MYH14: variants seen among roughly 807,000 people sequenced by gnomAD.
The protein encoded by MYH14 is myosin-14.
Under a neutral mutation model 255.5 loss-of-function variants are expected in MYH14, and 123 were observed. The observed-to-expected ratio is 0.48, with a 90% confidence interval of 0.42 to 0.56. MYH14 has a LOEUF of 0.56. MYH14 is among the 20% of genes least tolerant of loss of function. The pLI is 0.00. For synonymous variants in MYH14, 1,095 were observed against 1,161.2 expected (o/e 0.94, Z 1.16); for missense variants, 2,423 against 2,802.3 (o/e 0.86, Z 3.06).
chr19:50,276,294 CT>C lies in MYH14; in HGVS notation c.3680+93del. On this transcript the variant is annotated intron_variant, in intron 28 of 42. Transcript: ENST00000642316. The surrounding 1 kb of genome is among the most constrained non-coding windows in gnomAD (Gnocchi z 4.3). ...TACAAAGTCTCTGTCTATACAGAGG[CT>C]TACTTATTGTACAGTTGTTCATGAA... The C allele has an allele frequency of 9.6e-7, 1 of 1,041,116 alleles. No individual in the cohort carries two copies. Among genetic ancestry groups the C allele is most frequent in the Non-Finnish European group, 1.4e-6 (1 of 737,516 alleles). 64.5% of individuals were successfully genotyped at this position (1,041,116 alleles called of 1,614,324 possible). A position where few individuals can be genotyped will look rare whatever the true frequency, so the allele number is the denominator to read the frequency against.
chr19:50,234,527 G>T (rs540443070), intron 10 of MYH14, among the ~76,000 whole-genome samples: 1 of 152,150 alleles, frequency 6.6e-6, no homozygotes, highest in Non-Finnish European at 1.5e-5. Flanking sequence ...GCAAACAGCC[G>T]GGCCTCTTGT....
rs1050038749 is a variant in MYH14, at chr19:50,252,276, G to A, written c.1831-363G>A. On this transcript the variant is annotated intron_variant, in intron 15 of 42. Transcript: ENST00000642316. This position sits in a 1 kb window ranked among gnomAD's most constrained non-coding sequence, Gnocchi z 4.2. ...TGAGTACCCAGAAGGAGCCAGTGGTGTGAAACCCACAGAGACAGAACCCCA... is the reference window on the plus strand; with the variant it reads ...TGAGTACCCAGAAGGAGCCAGTGGTATGAAACCCACAGAGACAGAACCCCA... Among the ~76,000 whole-genome samples, 10 of 152,214 alleles carry A rather than the reference G, an allele frequency of 6.6e-5. No individual in the cohort carries two copies. The highest frequency in any genetic ancestry group is 2.4e-4 in the African/African-American group (10 of 41,456).
intron 25 of MYH14, 111 bp from the exon 26 acceptor site, chr19:50,271,738 T>C: frequency 6.6e-7 from 1 of 1,516,002 alleles, no homozygotes; most frequent in South Asian, 1.3e-5. Flanking sequence ...CAGAGAAGGG[T>C]GAAAAGGAGC....
At chr19:50,251,555 CACACACACACACACAT>C (rs1488097268) in intron 15 of MYH14, among the ~76,000 whole-genome samples, 29 of 123,048 alleles carry the variant, frequency 2.4e-4, no homozygotes, top group Middle Eastern at 3.8e-3. Context: ...CACACACACA[CACACACACACACACAT>C]ATATATATGT....
intron 3 of MYH14, 47 bp from the exon 4 acceptor site, chr19:50,223,034 TGC>T: frequency 6.3e-7 from 1 of 1,583,562 alleles, no homozygotes; most frequent in Non-Finnish European, 8.7e-7. Context: ...CAGAGGGCCC[TGC>T]TAGAGACTCT....
Position 50,210,677 on chromosome 19 carries a change from C to T in MYH14, c.312C>T (p.Phe104=), listed in dbSNP as rs1409349343. Residue 104 remains phenylalanine, a synonymous_variant, in exon 2 of 43, where the codon TTC becomes TTT. Coordinates refer to ENST00000642316, the MANE Select transcript of MYH14 (RefSeq NM_001145809.2). ...TCCAGCGCATGAACCCGCCCAAGTT[C>T]AGCAAGGCCGAGGACATGGCCGAGC... ...DQIQRMNPPK[F]SKAEDMAELT... is the part of the protein sequence containing the mutation. The T allele has an allele frequency of 6.4e-7, 1 of 1,570,922 alleles. No individual in the cohort carries two copies. Among genetic ancestry groups the T allele is most frequent in the Non-Finnish European group, 8.6e-7 (1 of 1,159,962 alleles).
chr19:50,286,515 G>T lies in MYH14; in HGVS notation c.4573G>T (p.Ala1525Ser), dbSNP rs779375890. 2 of 1,613,594 alleles carry T rather than the reference G, an allele frequency of 1.2e-6. No individual in the cohort carries two copies. Among genetic ancestry groups the T allele is most frequent in the East Asian group, 2.2e-5 (1 of 44,876 alleles). ...LAEEKAAVLRAVEERERAEAE... is the reference protein window; with the variant it reads ...LAEEKAAVLRSVEERERAEAE... The stretch of plus-strand genomic sequence containing the variant: ...AGAGGAGAAGGCAGCTGTACTTCGG[G>T]CAGTGGAGGAACGTGAGCGGGCCGA... Residue 1525 changes from alanine (A) to serine (S), a missense_variant, in exon 34 of 43, where the codon GCA (alanine) becomes TCA (serine). Physicochemically the swap from Ala to Ser is moderately conservative, Grantham distance 99. Coordinates refer to ENST00000642316, the MANE Select transcript of MYH14 (RefSeq NM_001145809.2).
chr19:50,291,953 C>A (rs2036089402), intron 36 of MYH14, among the ~76,000 whole-genome samples: 1 of 152,182 alleles, frequency 6.6e-6, no homozygotes, highest in African/African-American at 2.4e-5. Context: ...AGTCACCCAG[C>A]AAGGATATGG....
intron 10 of MYH14, among the ~76,000 whole-genome samples, chr19:50,239,168 C>T (rs1420747624): frequency 6.6e-6 from 1 of 152,008 alleles, no homozygotes; most frequent in Non-Finnish European, 1.5e-5. Flanking sequence ...TACAGGCATG[C>T]GCCGCCACAC....
chr19:50,238,718 C>T (rs583117), intron 10 of MYH14, among the ~76,000 whole-genome samples: 146,626 of 152,182 alleles, frequency 0.96, 70,688 homozygotes, highest in African/African-American at 0.99. Context: ...TCCCAAAGTG[C>T]TGGGATTACA....
Position 50,280,113 on chromosome 19 carries a change from G to T in MYH14, c.4109G>T (p.Ser1370Ile). 1 of 1,608,104 alleles carries T rather than the reference G, an allele frequency of 6.2e-7. No homozygotes were observed. The highest frequency in any genetic ancestry group is 8.5e-7 in the Non-Finnish European group (1 of 1,177,424). Residue 1370 changes from serine (S) to isoleucine (I), a missense_variant, in exon 31 of 43, where the codon AGC (serine) becomes ATC (isoleucine). Ser to Ile is a moderately radical substitution (Grantham distance 142). Around this residue, in one of 3 missense-constraint regions of MYH14, gnomAD observed 1,513 missense variants for 1,674.8 expected, o/e 0.90. Coordinates refer to ENST00000642316, the MANE Select transcript of MYH14 (RefSeq NM_001145809.2). This position sits in a 1 kb window ranked among gnomAD's most constrained non-coding sequence, Gnocchi z 4.8. ...KTIRLSKELS[S>I]TEAQLHDAQE... ...ATCCGTCTTAGCAAGGAGCTGAGCAGCACAGAAGCCCAGCTGCACGATGCC... is the reference window on the plus strand; with the variant it reads ...ATCCGTCTTAGCAAGGAGCTGAGCATCACAGAAGCCCAGCTGCACGATGCC...
At chr19:50,251,458 T>C (rs191641085) in intron 15 of MYH14, among the ~76,000 whole-genome samples, 11 of 138,826 alleles carry the variant, frequency 7.9e-5, no homozygotes, top group Admixed American at 7.9e-4. Flanking sequence ...GTTCTATTCC[T>C]ATATATATAT....
intron 26 of MYH14, 84 bp downstream of exon 26, chr19:50,272,056 T>G (rs2123391542): frequency 1.3e-6 from 2 of 1,530,282 alleles, no homozygotes; most frequent in Non-Finnish European, 1.8e-6. Context: ...AGGGCCTCAG[T>G]GGCTGTGTCT....
In MYH14 at chr19:50,271,898, C is replaced by A. The variant is rs768039865; in HGVS notation, c.3221C>A (p.Ala1074Asp). 1 of 1,613,286 alleles carries A rather than the reference C, an allele frequency of 6.2e-7. No homozygotes were observed. The highest frequency in any genetic ancestry group is 1.7e-5 in the Admixed American group (1 of 59,952). The change falls in exon 26 of 43, where the codon GCT becomes GAT. Residue 1074 changes from alanine (A) to aspartate (D), a missense_variant. Physicochemically the swap from Ala to Asp is moderately radical, Grantham distance 126. This residue lies in a region of MYH14 where 1,513 missense variants were observed against 1,674.8 expected (regional missense o/e 0.90). Coordinates refer to ENST00000642316, the MANE Select transcript of MYH14 (RefSeq NM_001145809.2). ...DRLAEFSSQA[A>D]EEEEKVKSLN... ...CTGGCCGAGTTCTCATCCCAGGCAG[C>A]TGAGGAGGAGGAGAAGGTCAAGAGC... is the stretch of plus-strand genomic sequence containing the variant.
At chr19:50,251,262 G>T (rs912538443) in intron 15 of MYH14, among the ~76,000 whole-genome samples, 1 of 151,940 alleles carries the variant, frequency 6.6e-6, no homozygotes, top group Non-Finnish European at 1.5e-5. Context: ...AGCTTTGTGG[G>T]CCAGACGATC....
intron 10 of MYH14, among the ~76,000 whole-genome samples, chr19:50,232,891 G>C (rs1268366378): frequency 6.6e-6 from 1 of 152,100 alleles, no homozygotes; most frequent in Non-Finnish European, 1.5e-5. Flanking sequence ...GCCAGCCTAG[G>C]AGGTTGGGAC....
At position 50,281,575 on chromosome 19, in the gene MYH14, C is replaced by G. The variant is rs966240542; in HGVS notation, c.4291-19C>G. 1 of 1,555,898 alleles carries G rather than the reference C, an allele frequency of 6.4e-7. No homozygotes were observed. Among genetic ancestry groups the G allele is most frequent in the African/African-American group, 1.4e-5 (1 of 73,330 alleles). On this transcript the variant is annotated intron_variant, in intron 32 of 42. Transcript: ENST00000642316. ...CTCATGGCCGTGACCACCAACCACC[C>G]TCTCTCTCCTCCCCTCAGCTTTCCG... is the stretch of plus-strand genomic sequence containing the variant.
At chr19:50,291,155 G>A in intron 36 of MYH14, 107 bp downstream of exon 36, 1 of 1,090,634 alleles carries the variant, frequency 9.2e-7, no homozygotes, top group Non-Finnish European at 1.3e-6. Context: ...TCAACCCACA[G>A]GCAGCATCCG....
intron 10 of MYH14, among the ~76,000 whole-genome samples, chr19:50,234,617 CCTG>C (rs2033573856): frequency 1.3e-5 from 2 of 151,556 alleles, no homozygotes; most frequent in Non-Finnish European, 1.5e-5. Flanking sequence ...AATTCCCCAG[CCTG>C]CATGACTCCG....
Sources: gnomAD v4.1 joint callset for allele counts (sites outside exome capture counted in the v4.1 genomes callset) on GRCh38, gnomAD v4.1.1 for gene constraint, gnomAD v4.1.1 regional missense constraint, Gnocchi (gnomAD v3.1) non-coding constraint, MANE v1.5 for transcripts, NCBI Gene and HGNC (gene_info 2026-07-23, HGNC 2026-07-21) for gene names.